The following ADAMTSL3 variants were observed in gnomAD, a reference collection of about 807,000 sequenced individuals.
The protein encoded by ADAMTSL3 is ADAMTS-like protein 3.
Under a neutral mutation model 201.7 loss-of-function variants are expected in ADAMTSL3, and 128 were observed. The observed-to-expected ratio is 0.63, with a 90% CI of 0.55 to 0.73. The LOEUF (loss-of-function observed/expected upper bound fraction) is 0.73, where lower values mean the gene tolerates loss of function less well. Among genes scored for constraint, ADAMTSL3 ranks in the 30% least tolerant of loss-of-function variants. The pLI, the probability that ADAMTSL3 is intolerant of heterozygous loss-of-function variation, is 0.00. For missense variants in ADAMTSL3, 1,990 were observed against 2,119.6 expected, an observed-to-expected ratio of 0.94 and a Z score of 1.20; for synonymous variants, 738 against 748.4, an observed-to-expected ratio of 0.99 and a Z score of 0.23.
rs1287850166 is a variant in ADAMTSL3, at chr15:83,766,490, A to G, written c.190-7033A>G. ...TTGCAATATAGAGGGGGAAAAAAGT[A>G]AAAGACTTCATAGAGATATCGAAAG... On this transcript the variant is annotated intron_variant, in intron 3 of 29. Transcript: ENST00000286744. Among the ~76,000 whole-genome samples, 6 of 152,218 alleles carry G rather than the reference A, an allele frequency of 3.9e-5. No individual in the cohort carries two copies. The East Asian group carries it at 1.2e-3, about 29-fold the overall frequency.
At chr15:83,777,527 A>G (rs1289820350) in intron 4 of ADAMTSL3, among the ~76,000 whole-genome samples, 3 of 152,188 alleles carry the variant, frequency 2.0e-5, no homozygotes, top group Non-Finnish European at 4.4e-5. Flanking sequence ...AAAATCTTTC[A>G]TAAATGAAGC....
At chr15:83,769,440 G>A (rs1261739906) in intron 3 of ADAMTSL3, among the ~76,000 whole-genome samples, 2 of 152,108 alleles carry the variant, frequency 1.3e-5, no homozygotes, top group African/African-American at 4.8e-5. Flanking sequence ...TTATAGACAG[G>A]GCACAGTTAT....
At chr15:83,843,482 A>G (rs1274071927) in intron 7 of ADAMTSL3, among the ~76,000 whole-genome samples, 1 of 152,198 alleles carries the variant, frequency 6.6e-6, no homozygotes. Flanking sequence ...TGTTTGTTAC[A>G]GCTCTGAAAC....
intron 3 of ADAMTSL3, among the ~76,000 whole-genome samples, chr15:83,719,987 A>G (rs927306332): frequency 5.9e-5 from 9 of 152,194 alleles, no homozygotes; most frequent in African/African-American, 2.2e-4. Flanking sequence ...TGGGAGGCCG[A>G]GGTGGGCAGA....
intron 4 of ADAMTSL3, among the ~76,000 whole-genome samples, chr15:83,783,943 T>C (rs763360350): frequency 2.0e-5 from 3 of 151,962 alleles, no homozygotes; most frequent in Admixed American, 1.3e-4. Context: ...CAAATTCAGT[T>C]ATGGCTGCCT....
At chr15:83,839,450 T>C (rs1293872865) in intron 7 of ADAMTSL3, among the ~76,000 whole-genome samples, 4 of 152,196 alleles carry the variant, frequency 2.6e-5, no homozygotes, top group Non-Finnish European at 4.4e-5. Flanking sequence ...TATTGTGTTT[T>C]ATTTTTCAGA....
Position 83,906,670 on chromosome 15 carries a change from A to G in ADAMTSL3, c.1701-6422A>G, listed in dbSNP as rs1016090605. ...CACACACACACACACACACACACACACACACACAGAGTTATGGGCTACTTT... is the reference window on the plus strand; with the variant it reads ...CACACACACACACACACACACACACGCACACACAGAGTTATGGGCTACTTT... On this transcript the variant is annotated intron_variant, in intron 15 of 29. Coordinates refer to ENST00000286744, the MANE Select transcript of ADAMTSL3 (RefSeq NM_207517.3). Among the ~76,000 whole-genome samples the G allele has an allele frequency of 1.5e-4, 17 of 116,448 alleles. 1 individual carries two copies. In the South Asian group the frequency reaches 2.5e-3, roughly 17 times the overall value. The allele number at this position is 116,448 out of a possible 152,430, so 76.4% of individuals were successfully genotyped here.
chr15:83,819,910 A>G lies in ADAMTSL3; in HGVS notation c.463A>G (p.Asn155Asp), dbSNP rs2063833974. 2 of 1,614,002 alleles carry G rather than the reference A, an allele frequency of 1.2e-6. No homozygotes were observed. Among genetic ancestry groups the G allele is most frequent in the Non-Finnish European group, 1.7e-6 (2 of 1,180,018 alleles). Residue 155 changes from asparagine to aspartate, a missense_variant, in exon 6 of 30, where the codon AAT becomes GAT. Asn to Asp is a conservative substitution (Grantham distance 23, BLOSUM62 1). Coordinates refer to ENST00000286744, the MANE Select transcript of ADAMTSL3 (RefSeq NM_207517.3). The part of the protein sequence containing the change: ...GHYYEWLPRY[N>D]DPAAPCALKC... ...TTACTATGAATGGCTTCCACGATATAATGATCCTGCTGCCCCGTGTGCACT... is the reference window on the plus strand; with the variant it reads ...TTACTATGAATGGCTTCCACGATATGATGATCCTGCTGCCCCGTGTGCACT...
chr15:84,015,808 AT>A (rs2068079010), intron 24 of ADAMTSL3, among the ~76,000 whole-genome samples: 1 of 152,104 alleles, frequency 6.6e-6, no homozygotes, highest in Admixed American at 6.6e-5. Context: ...TCTTCTGCCC[AT>A]TTCCACTCAT....
intron 3 of ADAMTSL3, among the ~76,000 whole-genome samples, chr15:83,747,283 G>T (rs1327590492): frequency 2.0e-5 from 3 of 152,200 alleles, no homozygotes. Flanking sequence ...TTCCTGTTTT[G>T]CTTTCCTCTG....
At chr15:83,892,577 C>T in intron 12 of ADAMTSL3, 107 bp from the exon 13 acceptor site, 1 of 1,088,646 alleles carries the variant, frequency 9.2e-7, no homozygotes, top group South Asian at 1.5e-5. Context: ...CAGGCTCATT[C>T]AGCTGAACCA....
At chr15:83,894,241 C>A (rs1185513394) in intron 13 of ADAMTSL3, among the ~76,000 whole-genome samples, 1 of 152,126 alleles carries the variant, frequency 6.6e-6, no homozygotes, top group African/African-American at 2.4e-5. Context: ...TCTGATATCC[C>A]CAGACTAAAC....
chr15:83,717,719 A>C (rs1334670800), intron 3 of ADAMTSL3, among the ~76,000 whole-genome samples: 1 of 152,232 alleles, frequency 6.6e-6, no homozygotes, highest in Non-Finnish European at 1.5e-5. Context: ...AAAGCAAAAA[A>C]ACCTATGATT....
intron 2 of ADAMTSL3, among the ~76,000 whole-genome samples, chr15:83,704,017 AACAC>A (rs1310625358): frequency 7.9e-5 from 12 of 151,410 alleles, no homozygotes; most frequent in African/African-American, 2.9e-4. Flanking sequence ...AAAAAAAAAA[AACAC>A]AAAAGGAAGA....
intron 17 of ADAMTSL3, 89 bp from the exon 18 acceptor site, chr15:83,942,507 C>A: frequency 7.8e-7 from 1 of 1,282,176 alleles, no homozygotes; most frequent in South Asian, 1.4e-5. Flanking sequence ...TCTGGAAGCC[C>A]AGAGGAGAGC....
intron 2 of ADAMTSL3, among the ~76,000 whole-genome samples, chr15:83,659,967 G>T (rs2061140114): frequency 6.6e-6 from 1 of 152,198 alleles, no homozygotes; most frequent in Non-Finnish European, 1.5e-5. Flanking sequence ...TCAGATTTCT[G>T]ACCTTCAGAA....
rs201712923 is a variant in ADAMTSL3, at chr15:83,763,525, G to A, written c.190-9998G>A. ...ATAATTCTTTTTTTTTTTTTTTTGA[G>A]ACAGAGTCTCGCTCTGTCACCCAGG... On this transcript the variant is annotated intron_variant, in intron 3 of 29. Transcript: ENST00000286744. Among the ~76,000 whole-genome samples the A allele has an allele frequency of 2.5e-3, 332 of 130,924 alleles. 2 individuals carry two copies. Among genetic ancestry groups the A allele is most frequent in the East Asian group, 0.02 (86 of 4,380 alleles). 85.9% of individuals were successfully genotyped at this position (130,924 alleles called of 152,430 possible).
intron 16 of ADAMTSL3, among the ~76,000 whole-genome samples, chr15:83,917,447 GTATGTATGTA>G (rs1157489524): frequency 5.3e-5 from 8 of 151,832 alleles, no homozygotes; most frequent in Non-Finnish European, 1.2e-4. Flanking sequence ...ATGTATGTAT[GTATGTATGTA>G]TATGTATGTA....
chr15:83,780,222 C>G (rs939656147), intron 4 of ADAMTSL3, among the ~76,000 whole-genome samples: 8 of 151,922 alleles, frequency 5.3e-5, no homozygotes, highest in African/African-American at 1.7e-4. Flanking sequence ...CCAGCCTGAC[C>G]AACATGGTGA....
Sources: allele counts gnomAD v4.1 joint callset (sites outside exome capture counted in the v4.1 genomes callset), GRCh38; gene constraint gnomAD v4.1.1; transcripts MANE v1.5; gene names NCBI Gene and HGNC (gene_info 2026-07-23, HGNC 2026-07-21).